Variants in GNAI1 observed in about 807,000 individuals in gnomAD.
GNAI1 encodes guanine nucleotide-binding protein G(i) subunit alpha-1.
A neutral mutation model predicts 38.9 loss-of-function variants in GNAI1; 11 were observed. The observed-to-expected ratio is 0.28, with a 90% CI of 0.18 to 0.47. The LOEUF (loss-of-function observed/expected upper bound fraction) is 0.47. Among genes scored for constraint, GNAI1 ranks in the 20% least tolerant of loss-of-function variants. The pLI, the probability that GNAI1 is intolerant of heterozygous loss-of-function variation, is 0.99. For missense variants in GNAI1, 317 were observed against 436.9 expected (o/e 0.73, Z 2.45); for synonymous variants, 166 against 145.1 (o/e 1.14, Z -1.04).
rs967469982 is a variant in GNAI1, at chr7:80,152,180, C to A, written c.118+16902C>A. On this transcript the variant is annotated intron_variant, in intron 1 of 7. Coordinates refer to ENST00000649796, the MANE Select transcript of GNAI1 (RefSeq NM_002069.6). ...GACATACTGCTAGTACGTGGCCATG[C>A]TGGGTGTCGTCTCCTTCTATACTGC... Among the ~76,000 whole-genome samples, 5 of 152,260 alleles carry A rather than the reference C, an allele frequency of 3.3e-5. No individual in the cohort carries two copies. The South Asian group carries it at 1.0e-3, about 32-fold the overall frequency.
chr7:80,210,771 A>T (rs1342180318), intron 5 of GNAI1, among the ~76,000 whole-genome samples, 198 bp from the exon 6 acceptor site: 3 of 149,144 alleles, frequency 2.0e-5, no homozygotes, highest in African/African-American at 7.4e-5. Flanking sequence ...TCAATCAAAA[A>T]TTTTAAAAAC....
At chr7:80,183,361 G>T (rs1016337155) in intron 1 of GNAI1, among the ~76,000 whole-genome samples, 2 of 152,146 alleles carry the variant, frequency 1.3e-5, no homozygotes. Flanking sequence ...ATAATAAAGA[G>T]AAAGGATTTT....
intron 1 of GNAI1, among the ~76,000 whole-genome samples, chr7:80,160,647 A>G (rs1266739605): frequency 3.3e-5 from 5 of 152,228 alleles, no homozygotes; most frequent in Non-Finnish European, 2.9e-5. Context: ...TTGCCAGTGT[A>G]TTATCTGTTG....
chr7:80,188,735 A>G (rs1788429640), intron 1 of GNAI1, among the ~76,000 whole-genome samples: 1 of 152,104 alleles, frequency 6.6e-6, no homozygotes, highest in Non-Finnish European at 1.5e-5. Context: ...GTACAACTAC[A>G]GTTCTCATGT....
At chr7:80,157,350 G>A (rs1787836917) in intron 1 of GNAI1, among the ~76,000 whole-genome samples, 1 of 152,128 alleles carries the variant, frequency 6.6e-6, no homozygotes, top group Non-Finnish European at 1.5e-5. Context: ...TTCACCTACT[G>A]AATGACATCT....
chr7:80,181,040 C>A (rs140561114), intron 1 of GNAI1, among the ~76,000 whole-genome samples: 3 of 151,822 alleles, frequency 2.0e-5, no homozygotes, highest in African/African-American at 7.3e-5. Context: ...AAGGGAAAGA[C>A]CAGCTCATTC....
rs1787541224 is a variant in GNAI1 at position 80,142,322 on chromosome 7, A to T, written c.118+7044A>T. On this transcript the variant is annotated intron_variant, in intron 1 of 7. Coordinates refer to ENST00000649796, the MANE Select transcript of GNAI1 (RefSeq NM_002069.6). ...CATAATTTATGTGACTATCATGGTAACACTAAAAGCACCAGTTTCTTACAT... is the reference window on the plus strand; with the variant it reads ...CATAATTTATGTGACTATCATGGTATCACTAAAAGCACCAGTTTCTTACAT... 3.3e-5 allele frequency among the ~76,000 whole-genome samples: 5 copies of T among 152,340 alleles called. No homozygotes were observed. The South Asian group carries it at 8.3e-4, about 25-fold the overall frequency.
intron 4 of GNAI1, among the ~76,000 whole-genome samples, chr7:80,202,599 A>C (rs114884503): frequency 0.01 from 1,558 of 152,338 alleles, 25 homozygotes; most frequent in African/African-American, 0.035. Flanking sequence ...AGATTCTCTT[A>C]AATTCAGTAA....
At chr7:80,173,204 C>T (rs899671930) in intron 1 of GNAI1, among the ~76,000 whole-genome samples, 1 of 152,132 alleles carries the variant, frequency 6.6e-6, no homozygotes. Flanking sequence ...GGATCATGAA[C>T]AGATATCTTA....
chr7:80,189,668 T>C (rs1788447101), intron 3 of GNAI1, among the ~76,000 whole-genome samples: 1 of 152,204 alleles, frequency 6.6e-6, no homozygotes, highest in South Asian at 2.1e-4. Flanking sequence ...GAAAACAGTA[T>C]AAAAGTTTGC....
intron 3 of GNAI1, among the ~76,000 whole-genome samples, chr7:80,197,349 T>G (rs1299317732): frequency 2.0e-5 from 3 of 151,964 alleles, no homozygotes; most frequent in African/African-American, 7.2e-5. Flanking sequence ...CAAAGTTTCT[T>G]AAGTCTTTAC....
chr7:80,203,134 A>G lies in GNAI1; in HGVS notation c.462-570A>G, dbSNP rs74672689. Among the ~76,000 whole-genome samples the G allele has an allele frequency of 2.8e-3, 423 of 152,318 alleles. 2 individuals are homozygous for G. Among genetic ancestry groups the G allele is most frequent in the Middle Eastern group, 0.014 (4 of 294 alleles). ...TAGCACCAGTGGCAGAGAGTATTAC[A>G]TGAGTGACTAAAACATGTATTGATT... is the stretch of plus-strand genomic sequence containing the variant. On this transcript the variant is annotated intron_variant, in intron 4 of 7. Transcript: ENST00000649796.
intron 4 of GNAI1, among the ~76,000 whole-genome samples, chr7:80,201,800 G>T: frequency 6.6e-6 from 1 of 152,084 alleles, no homozygotes; most frequent in East Asian, 1.9e-4. Flanking sequence ...TAATAGTTGT[G>T]ACCTTAAGAT....
At chr7:80,190,704 T>C (rs1788465872) in intron 3 of GNAI1, among the ~76,000 whole-genome samples, 1 of 152,128 alleles carries the variant, frequency 6.6e-6, no homozygotes, top group African/African-American at 2.4e-5. Flanking sequence ...TTATAAACTT[T>C]TAATTTAAAC....
intron 1 of GNAI1, among the ~76,000 whole-genome samples, chr7:80,183,834 A>G (rs1381662472): frequency 1.3e-5 from 2 of 152,140 alleles, no homozygotes; most frequent in Admixed American, 1.3e-4. Flanking sequence ...GTTACCTTAT[A>G]TCTTGATTTG....
chr7:80,214,236 T>C (rs2115717253), intron 7 of GNAI1, among the ~76,000 whole-genome samples: 1 of 152,320 alleles, frequency 6.6e-6, no homozygotes, highest in South Asian at 2.1e-4. Context: ...AACTTTGCTT[T>C]CTTTTTGAAA....
intron 6 of GNAI1, 124 bp downstream of exon 6, chr7:80,211,222 G>A (rs1788867573): frequency 3.9e-6 from 3 of 763,704 alleles, no homozygotes; most frequent in South Asian, 4.1e-5. Context: ...TTTTCTATTT[G>A]ATAAAAGAGA....
rs367848830 is a variant in GNAI1 at position 80,179,336 on chromosome 7, G to C, written c.119-9615G>C. Reference sequence around the variant, plus strand: ...CGCCTCACCTCCAGAGTTTCTTTCTGATTCAGTAAACGCTGGATGGGGCCT... The same window carrying C: ...CGCCTCACCTCCAGAGTTTCTTTCTCATTCAGTAAACGCTGGATGGGGCCT... On this transcript the variant is annotated intron_variant, in intron 1 of 7. Transcript: ENST00000649796. 9.9e-5 allele frequency among the ~76,000 whole-genome samples: 15 copies of C among 152,212 alleles called. No homozygotes were observed. The South Asian group carries it at 3.1e-3, about 32-fold the overall frequency.
At chr7:80,173,938 T>TC (rs1188821080) in intron 1 of GNAI1, among the ~76,000 whole-genome samples, 1 of 152,158 alleles carries the variant, frequency 6.6e-6, no homozygotes, top group Non-Finnish European at 1.5e-5. Flanking sequence ...CCAGAGGCTC[T>TC]CCTGCCCAAA....
Sources: gnomAD v4.1 joint callset for allele counts (sites outside exome capture counted in the v4.1 genomes callset) on GRCh38, gnomAD v4.1.1 for gene constraint, MANE v1.5 for transcripts, NCBI Gene and HGNC (gene_info 2026-07-23, HGNC 2026-07-21) for gene names.